The following FBXL13 variants were observed in gnomAD, a reference collection of about 807,000 sequenced individuals.
FBXL13 encodes F-box and leucine-rich repeat protein 13.
Under a neutral mutation model 83.6 loss-of-function variants are expected in FBXL13, and 67 were observed. The ratio of observed to expected loss-of-function variants is 0.80; its 90% CI spans 0.66 to 0.98. The LOEUF is 0.98. Ranked by LOEUF, FBXL13 falls within the 50% of genes least tolerant of loss-of-function variation. The probability of loss-of-function intolerance (pLI) is 0.00; values close to 1 mark genes in which losing one functional copy is unlikely to be tolerated. For synonymous variants in FBXL13, 272 were observed against 299.5 expected (o/e 0.91, Z 0.95); for missense variants, 822 against 866.5 (o/e 0.95, Z 0.64).
chr7:102,820,201 A>T (rs1366781431), intron 19 of FBXL13, among the ~76,000 whole-genome samples: 2 of 152,186 alleles, frequency 1.3e-5, no homozygotes, highest in Non-Finnish European at 2.9e-5. Flanking sequence ...TTTCAGGGAG[A>T]CTAAAAGGTA....
chr7:102,913,572 T>C (rs985271039), intron 10 of FBXL13, among the ~76,000 whole-genome samples: 1 of 152,204 alleles, frequency 6.6e-6, no homozygotes, highest in African/African-American at 2.4e-5. Flanking sequence ...GAGTGTATTG[T>C]TGCTTTTAGG....
intron 16 of FBXL13, among the ~76,000 whole-genome samples, chr7:102,863,721 C>G (rs994381298): frequency 6.6e-6 from 1 of 152,168 alleles, no homozygotes; most frequent in Non-Finnish European, 1.5e-5. Flanking sequence ...GAGAGATGTG[C>G]TAGTACTAGT....
intron 8 of FBXL13, among the ~76,000 whole-genome samples, chr7:102,956,709 C>T (rs1163459254): frequency 6.6e-6 from 1 of 152,142 alleles, no homozygotes; most frequent in Non-Finnish European, 1.5e-5. Flanking sequence ...AATCAATGTG[C>T]AAAAATCACA....
intron 2 of FBXL13, among the ~76,000 whole-genome samples, chr7:103,039,564 G>A (rs913759179): frequency 2.7e-4 from 41 of 152,012 alleles, no homozygotes; most frequent in African/African-American, 9.7e-4. Flanking sequence ...AAATGTTAAG[G>A]GCAGCCAGAG....
chr7:102,858,873 A>AG (rs1274976574), intron 16 of FBXL13, among the ~76,000 whole-genome samples: 2 of 152,208 alleles, frequency 1.3e-5, no homozygotes, highest in African/African-American at 4.8e-5. Context: ...GCTAATGGGA[A>AG]GGGCTTTTCT....
intron 6 of FBXL13, among the ~76,000 whole-genome samples, chr7:102,974,818 G>A (rs1026447355): frequency 1.3e-5 from 2 of 151,712 alleles, no homozygotes; most frequent in African/African-American, 4.8e-5. Flanking sequence ...TCTCAGCTGC[G>A]ATCTTCTCAG....
chr7:103,013,950 G>A (rs995973464), intron 6 of FBXL13, among the ~76,000 whole-genome samples: 1 of 151,974 alleles, frequency 6.6e-6, no homozygotes, highest in East Asian at 1.9e-4. Flanking sequence ...ATGGCAAAGG[G>A]TGTATTACCA....
At chr7:103,003,278 GTTTTTTT>G (rs563726626) in intron 6 of FBXL13, among the ~76,000 whole-genome samples, 1,869 of 75,778 alleles carry the variant, frequency 0.025, 20 homozygotes, top group Non-Finnish European at 0.035. Context: ...TTGTTTTGGG[GTTTTTTT>G]TTTTTTTTTT....
chr7:102,923,362 A>G (rs1321885931), intron 10 of FBXL13, among the ~76,000 whole-genome samples: 3 of 152,166 alleles, frequency 2.0e-5, no homozygotes, highest in African/African-American at 7.2e-5. Context: ...ATATTGGCCA[A>G]TTCCAAGCTA....
In FBXL13 at chr7:103,035,580, C is replaced by T. The variant is rs1178826917; in HGVS notation, c.1-6162G>A. ...ATTAATTTTTAATTTTGTAAGATAT[C>T]CATTTACTATATGTAAAAAAATGCA... On this transcript the variant is annotated intron_variant, in intron 2 of 19. Transcript: ENST00000313221. Among the ~76,000 whole-genome samples, 9 of 151,744 alleles carry T rather than the reference C, an allele frequency of 5.9e-5. No homozygotes were observed. The East Asian group carries it at 1.7e-3, about 29-fold the overall frequency.
At chr7:103,003,277 G>GTTT (rs1239422520) in intron 6 of FBXL13, among the ~76,000 whole-genome samples, 6 of 119,484 alleles carry the variant, frequency 5.0e-5, no homozygotes, top group Non-Finnish European at 8.6e-5. Flanking sequence ...GTTGTTTTGG[G>GTTT]GTTTTTTTTT....
At chr7:102,875,255 G>T (rs1809067075) in intron 16 of FBXL13, among the ~76,000 whole-genome samples, 1 of 152,116 alleles carries the variant, frequency 6.6e-6, no homozygotes, top group Non-Finnish European at 1.5e-5. Flanking sequence ...CATGTAATCA[G>T]TTGGAACATT....
intron 2 of FBXL13, among the ~76,000 whole-genome samples, chr7:103,053,213 C>T (rs527580303): frequency 1.1e-4 from 17 of 152,136 alleles, no homozygotes; most frequent in East Asian, 5.8e-4. Context: ...AGCACAGTGG[C>T]GCAATCTTGG....
At chr7:102,951,710 T>G (rs1474440259) in intron 8 of FBXL13, among the ~76,000 whole-genome samples, 1 of 142,782 alleles carries the variant, frequency 7.0e-6, no homozygotes, top group Non-Finnish European at 1.5e-5. Flanking sequence ...AGGTGGGAGG[T>G]GGGAGGATCA....
intron 1 of FBXL13, chr7:103,074,210 T>C: frequency 1.0e-6 from 1 of 991,310 alleles, no homozygotes. Flanking sequence ...CCATCTATTT[T>C]CTGCCCTCAC....
At chr7:102,870,621 G>A (rs1482653847) in intron 16 of FBXL13, among the ~76,000 whole-genome samples, 2 of 152,334 alleles carry the variant, frequency 1.3e-5, no homozygotes, top group Non-Finnish European at 2.9e-5. Context: ...TCCTGAGGTA[G>A]GAAGGGATTT....
intron 6 of FBXL13, among the ~76,000 whole-genome samples, chr7:103,003,293 T>TTTG (rs1345461955): frequency 7.6e-6 from 1 of 131,590 alleles, no homozygotes; most frequent in Non-Finnish European, 1.6e-5. Context: ...TTTTTTTTTT[T>TTTG]TTTTTTTTTT....
At chr7:102,958,885 A>G (rs1043492321) in intron 8 of FBXL13, among the ~76,000 whole-genome samples, 1 of 152,100 alleles carries the variant, frequency 6.6e-6, no homozygotes, top group African/African-American at 2.4e-5. Context: ...CATTATATCC[A>G]CATACAGGAT....
At chr7:102,906,447 C>T (rs1243503989) in intron 11 of FBXL13, among the ~76,000 whole-genome samples, 1 of 152,172 alleles carries the variant, frequency 6.6e-6, no homozygotes, top group Non-Finnish European at 1.5e-5. Flanking sequence ...CTTACTATTA[C>T]TGGTGAGTTT....
Sources: gnomAD v4.1 joint callset for allele counts (sites outside exome capture counted in the v4.1 genomes callset) on GRCh38, gnomAD v4.1.1 for gene constraint, MANE v1.5 for transcripts, NCBI Gene and HGNC (gene_info 2026-07-23, HGNC 2026-07-21) for gene names.